CAMK2A: variants seen among roughly 807,000 people sequenced by gnomAD.
CAMK2A encodes calcium/calmodulin-dependent protein kinase type II subunit alpha.
CAMK2A carries 7 observed loss-of-function variants against 79.2 expected under a neutral mutation model. The ratio of observed to expected loss-of-function variants is 0.09; its 90% confidence interval spans 0.05 to 0.17. The LOEUF (loss-of-function observed/expected upper bound fraction) is 0.17. CAMK2A is among the 10% of genes least tolerant of loss of function. The pLI is 1.00. For synonymous variants in CAMK2A, 242 were observed against 251.7 expected, an observed-to-expected ratio of 0.96 and a Z score of 0.36; for missense variants, 214 against 646.4, an observed-to-expected ratio of 0.33 and a Z score of 7.25.
intron 13 of CAMK2A, among the ~76,000 whole-genome samples, chr5:150,242,740 C>T (rs918338039): frequency 1.3e-5 from 2 of 152,196 alleles, no homozygotes; most frequent in Non-Finnish European, 2.9e-5. Context: ...GATCCAGTTT[C>T]AATCGTACTG....
intron 17 of CAMK2A, among the ~76,000 whole-genome samples, chr5:150,226,752 G>C (rs568685402): frequency 1.4e-5 from 2 of 140,734 alleles, no homozygotes; most frequent in Non-Finnish European, 3.1e-5. Flanking sequence ...AAAGGGGGGG[G>C]GGGGATTTTC....
rs750125518 is a variant in CAMK2A at position 150,223,680 on chromosome 5, G to A, written c.1238-463C>T. Reference sequence around the variant, plus strand: ...GATAGGGAGTGATGGGGACTGTGGCGAATAGAATGTCTTGTCCCACCTAAA... The same window carrying A: ...GATAGGGAGTGATGGGGACTGTGGCAAATAGAATGTCTTGTCCCACCTAAA... On this transcript the variant is annotated intron_variant, in intron 17 of 18. Transcript: ENST00000671881. This position sits in a 1 kb window ranked among gnomAD's most constrained non-coding sequence, Gnocchi z 4.1. Among the ~76,000 whole-genome samples, 18 of 152,288 alleles carry A rather than the reference G, an allele frequency of 1.2e-4. No homozygotes were observed. Among genetic ancestry groups the A allele is most frequent in the East Asian group, 1.2e-3 (6 of 5,170 alleles).
chr5:150,286,758 G>A (rs536217136), intron 1 of CAMK2A, among the ~76,000 whole-genome samples: 5 of 152,276 alleles, frequency 3.3e-5, no homozygotes, highest in African/African-American at 9.6e-5. Flanking sequence ...GGGGAAGCAC[G>A]GTTTGGTCAA....
Position 150,223,032 on chromosome 5 carries a change from T to C in CAMK2A, c.1423A>G (p.Ile475Val), listed in dbSNP as rs753904024. The C allele has an allele frequency of 8.7e-6, 14 of 1,614,238 alleles. No homozygotes were observed. The highest frequency in any genetic ancestry group is 1.2e-5 in the Non-Finnish European group (14 of 1,180,040). Reference sequence around the variant, plus strand: ...GCCCCAGATCTGTGGAAGTGGACGATCTGCCATTTGCCATCCCGGCGGTGC... The same window carrying C: ...GCCCCAGATCTGTGGAAGTGGACGACCTGCCATTTGCCATCCCGGCGGTGC... ...VWHRRDGKWQ[I>V]VHFHRSGAPS... Residue 475 changes from isoleucine (I) to valine (V), a missense_variant, in exon 18 of 19, where the codon ATC becomes GTC. Transcript: ENST00000671881. The surrounding 1 kb of genome is among the most constrained non-coding windows in gnomAD (Gnocchi z 4.1).
intron 13 of CAMK2A, among the ~76,000 whole-genome samples, chr5:150,242,706 C>T (rs1489571648): frequency 1.3e-5 from 2 of 152,206 alleles, no homozygotes; most frequent in African/African-American, 2.4e-5. Flanking sequence ...GGCCCACACT[C>T]GAACCCATGG....
intron 16 of CAMK2A, among the ~76,000 whole-genome samples, chr5:150,228,916 A>C (rs1276128208): frequency 6.6e-6 from 1 of 152,160 alleles, no homozygotes; most frequent in African/African-American, 2.4e-5. Context: ...ACAGGGCATG[A>C]CGGAGGCTGT....
chr5:150,280,596 T>C (rs560134455), intron 1 of CAMK2A, among the ~76,000 whole-genome samples: 2 of 152,114 alleles, frequency 1.3e-5, no homozygotes, highest in Non-Finnish European at 2.9e-5. Flanking sequence ...CAGGGCTCCA[T>C]GGAAGAAATG....
intron 4 of CAMK2A, among the ~76,000 whole-genome samples, chr5:150,257,145 C>T (rs1453229032): frequency 6.6e-6 from 1 of 152,186 alleles, no homozygotes; most frequent in East Asian, 1.9e-4. Context: ...TGGCCTCCCC[C>T]ATGATCAATA....
Position 150,257,051 on chromosome 5 carries a change from G to A in CAMK2A, c.273-220C>T, listed in dbSNP as rs558043878. ...CAGTCCCCTCTCCTCCTCCATCCCCGGCCCTTCTTCCCCACCTAACCCAGG... is the reference window on the plus strand; with the variant it reads ...CAGTCCCCTCTCCTCCTCCATCCCCAGCCCTTCTTCCCCACCTAACCCAGG... On this transcript the variant is annotated intron_variant, in intron 4 of 18. Transcript: ENST00000671881. 2.4e-4 allele frequency among the ~76,000 whole-genome samples: 37 copies of A among 152,028 alleles called. No individual in the cohort carries two copies. In the South Asian group the frequency reaches 3.1e-3, roughly 13 times the overall value.
chr5:150,286,706 A>G lies in CAMK2A; in HGVS notation c.62+2858T>C, dbSNP rs183155738. Among the ~76,000 whole-genome samples, 667 of 152,300 alleles carry G rather than the reference A, an allele frequency of 4.4e-3. 6 individuals are homozygous for G. Among genetic ancestry groups the G allele is most frequent in the South Asian group, 7.9e-3 (38 of 4,824 alleles). The stretch of plus-strand genomic sequence containing the variant: ...TCATCAATTGAAGGATGGGCCCTGC[A>G]GGTACCCTCATAGCTTCCTCCCACA... On this transcript the variant is annotated intron_variant, in intron 1 of 18. Coordinates refer to ENST00000671881, the MANE Select transcript of CAMK2A (RefSeq NM_015981.4).
intron 1 of CAMK2A, among the ~76,000 whole-genome samples, chr5:150,288,206 C>T (rs959027105): frequency 4.6e-5 from 7 of 152,074 alleles, no homozygotes; most frequent in East Asian, 1.9e-4. Flanking sequence ...CCATTGTGTC[C>T]GCATCTCATA....
intron 2 of CAMK2A, 26 bp downstream of exon 2, chr5:150,273,039 G>A (rs1471342477): frequency 3.2e-6 from 5 of 1,572,192 alleles, no homozygotes; most frequent in African/African-American, 1.4e-5. Flanking sequence ...CCTGGAGGGT[G>A]GGCAGGGTAG....
chr5:150,248,383 C>T (rs1430075906), intron 11 of CAMK2A, among the ~76,000 whole-genome samples: 4 of 149,840 alleles, frequency 2.7e-5, no homozygotes, highest in Non-Finnish European at 4.4e-5. Context: ...ATGTGCACAA[C>T]GTGCAGGTTT....
intron 12 of CAMK2A, among the ~76,000 whole-genome samples, chr5:150,245,525 G>A (rs1455624203): frequency 3.3e-5 from 5 of 152,152 alleles, no homozygotes; most frequent in Admixed American, 6.5e-5. Context: ...CTGAATCCCT[G>A]TCACCACCGT....
intron 13 of CAMK2A, among the ~76,000 whole-genome samples, chr5:150,240,617 A>C (rs558431313): frequency 2.1e-4 from 32 of 152,346 alleles, no homozygotes; most frequent in African/African-American, 7.0e-4. Flanking sequence ...CCAAGCCAGG[A>C]GTCTTAAAGA....
intron 15 of CAMK2A, among the ~76,000 whole-genome samples, chr5:150,235,890 G>A (rs1755035110): frequency 2.0e-5 from 3 of 152,150 alleles, no homozygotes; most frequent in East Asian, 1.9e-4. Flanking sequence ...GGAGGCACAA[G>A]GACTCCTCTT....
rs10042928 is a variant in CAMK2A, at chr5:150,226,036, G to C, written c.1237+2156C>G. Among the ~76,000 whole-genome samples, 1,489 of 152,188 alleles carry C rather than the reference G, an allele frequency of 9.8e-3. 21 individuals are homozygous for C. Among genetic ancestry groups the C allele is most frequent in the African/African-American group, 0.034 (1,411 of 41,544 alleles). ...CCTGGGATTACAGGCGTGAGCCACC[G>C]CACCCGGCCGAGAATTCAATCTTCC... On this transcript the variant is annotated intron_variant, in intron 17 of 18. Coordinates refer to ENST00000671881, the MANE Select transcript of CAMK2A (RefSeq NM_015981.4).
At chr5:150,265,800 G>C (rs1473644301) in intron 2 of CAMK2A, among the ~76,000 whole-genome samples, 2 of 152,052 alleles carry the variant, frequency 1.3e-5, no homozygotes, top group Admixed American at 1.3e-4. Context: ...AAATTAGCCA[G>C]GTGTGGTGGC....
chr5:150,283,386 T>A (rs1294784123), intron 1 of CAMK2A, among the ~76,000 whole-genome samples: 1 of 152,178 alleles, frequency 6.6e-6, no homozygotes, highest in East Asian at 1.9e-4. Flanking sequence ...TCTCTTTTTT[T>A]AAGATAGAGA....
Sources: allele counts gnomAD v4.1 joint callset (sites outside exome capture counted in the v4.1 genomes callset), GRCh38; gene constraint gnomAD v4.1.1; non-coding constraint Gnocchi (gnomAD v3.1); transcripts MANE v1.5; gene names NCBI Gene and HGNC (gene_info 2026-07-23, HGNC 2026-07-21).